SNURF: variants seen among roughly 807,000 people sequenced by gnomAD.
SNURF encodes the protein SNRPN upstream open reading frame, also known as SNURF protein.
A neutral mutation model predicts 11.6 loss-of-function variants in SNURF; 6 were observed. That is an observed-to-expected ratio of 0.52 (90% CI 0.28 to 1.02). The LOEUF (loss-of-function observed/expected upper bound fraction) is 1.02, where lower values mean the gene tolerates loss of function less well. Among genes scored for constraint, SNURF ranks in the 50% least tolerant of loss-of-function variants. The pLI, the probability that SNURF is intolerant of heterozygous loss-of-function variation, is 0.09. For synonymous variants in SNURF, 29 were observed against 31.6 expected, an observed-to-expected ratio of 0.92 and a Z score of 0.27; for missense variants, 84 against 88.4, an observed-to-expected ratio of 0.95 and a Z score of 0.20.
At chr15:24,974,163 G>A (rs1023961648) in intron 3 of SNURF, 2 of 433,854 alleles carry the variant, frequency 4.6e-6, no homozygotes, top group Non-Finnish European at 8.3e-6. Flanking sequence ...AGGGACTAGG[G>A]AAATGTGGCA....
chr15:24,956,500 G>C (rs975071757), intron 1 of SNURF, among the ~76,000 whole-genome samples: 27 of 152,172 alleles, frequency 1.8e-4, no homozygotes, highest in Non-Finnish European at 2.9e-5. Context: ...GTGGGCGGCT[G>C]CCCCCTCCCC....
At chr15:24,970,408 A>G (rs1213151985), downstream of SNURF, among the ~76,000 whole-genome samples, 2 of 152,086 alleles carry the variant, frequency 1.3e-5, no homozygotes, top group African/African-American at 4.8e-5. Flanking sequence ...GCGAAACCCC[A>G]TCTGTTCTAA....
chr15:24,967,548 T>C (rs2075818597), intron 2 of SNURF, among the ~76,000 whole-genome samples: 1 of 151,306 alleles, frequency 6.6e-6, no homozygotes, highest in African/African-American at 2.4e-5. Flanking sequence ...AGGCTGACAC[T>C]GGAGAATGGC....
Position 24,955,830 on chromosome 15 carries a change from G to A in SNURF, c.14+768G>A, listed in dbSNP as rs550556942. ...GGTGGACTTTGGCGGCGGTAGGCATGGCGGCGGTGGGCATGGCATGGAGGC... is the reference window on the plus strand; with the variant it reads ...GGTGGACTTTGGCGGCGGTAGGCATAGCGGCGGTGGGCATGGCATGGAGGC... On this transcript the variant is annotated intron_variant, in intron 1 of 2. Coordinates refer to ENST00000577949, the Ensembl canonical transcript of SNURF. Among the ~76,000 whole-genome samples the A allele has an allele frequency of 3.6e-4, 55 of 151,786 alleles. 1 individual carries two copies. In the South Asian group the frequency reaches 0.011, roughly 30 times the overall value.
chr15:24,976,071 G>C (rs2077026244), intron 4 of SNURF, among the ~76,000 whole-genome samples: 1 of 152,128 alleles, frequency 6.6e-6, no homozygotes, highest in Non-Finnish European at 1.5e-5. Context: ...TCTTGTTGTA[G>C]TGTAACATCA....
Position 24,955,012 on chromosome 15 carries a change from G to C in SNURF, c.-37G>C. The C allele has an allele frequency of 6.2e-7, 1 of 1,612,142 alleles. No homozygotes were observed. The highest frequency in any genetic ancestry group is 1.1e-5 in the South Asian group (1 of 90,806). ...GCAGAGTGGAGCGGCCGCCGGAGAT[G>C]CCTGACGCATCTGTCTGAGGAGCGG... On this transcript the variant is annotated 5_prime_UTR_variant, in exon 1 of 3. An upstream start codon of the reference 5' UTR is lost. Coordinates refer to ENST00000577949, the Ensembl canonical transcript of SNURF.
intron 6 of SNURF, chr15:24,977,657 TGA>T: frequency 1.0e-6 from 1 of 965,496 alleles, no homozygotes. Flanking sequence ...ATGGGAATAA[TGA>T]GAGAAGTACA....
chr15:24,958,308 G>C (rs981434351), intron 1 of SNURF, among the ~76,000 whole-genome samples: 2 of 151,546 alleles, frequency 1.3e-5, no homozygotes, highest in Non-Finnish European at 2.9e-5. Context: ...CATTTAAGCA[G>C]GTTGTGAGTA....
exon 6 of SNURF, chr15:24,976,955 G>A: frequency 6.2e-7 from 1 of 1,606,922 alleles, no homozygotes; most frequent in South Asian, 1.1e-5. Flanking sequence ...AGGAGTACCA[G>A]CTGGTGTGCC....
chr15:24,972,734 G>A (rs1267490009), downstream of SNURF, among the ~76,000 whole-genome samples: 1 of 151,962 alleles, frequency 6.6e-6, no homozygotes, highest in Non-Finnish European at 1.5e-5. Flanking sequence ...ATATTTAATA[G>A]CATTTTATAA....
intron 1 of SNURF, among the ~76,000 whole-genome samples, chr15:24,961,451 T>C (rs891305623): frequency 2.2e-4 from 33 of 152,326 alleles, no homozygotes; most frequent in African/African-American, 7.7e-4. Flanking sequence ...AGGTGGTTTC[T>C]GCAGTCCCTA....
chr15:24,970,142 T>C (rs1040383879), downstream of SNURF, among the ~76,000 whole-genome samples: 4 of 152,296 alleles, frequency 2.6e-5, no homozygotes, highest in Admixed American at 2.0e-4. Flanking sequence ...ATCAGATGAA[T>C]TTCTTGGGGA....
exon 3 of SNURF, chr15:24,968,098 G>A (rs918733635): frequency 3.6e-6 from 5 of 1,369,980 alleles, no homozygotes; most frequent in African/African-American, 1.4e-5. Flanking sequence ...AGCTAATGCA[G>A]CAATGATCAA....
At chr15:24,974,757 CTG>C in intron 3 of SNURF, 1 of 610,472 alleles carries the variant, frequency 1.6e-6, no homozygotes, top group East Asian at 2.7e-5. Context: ...CAGGGTTTCA[CTG>C]TGTTGGCCAG....
intron 2 of SNURF, 76 bp from the exon 3 acceptor site, chr15:24,967,856 C>A: frequency 8.9e-7 from 1 of 1,127,676 alleles, no homozygotes; most frequent in Non-Finnish European, 1.3e-6. Context: ...GTAAGGGTAC[C>A]TAGTTTTCTT....
intron 2 of SNURF, among the ~76,000 whole-genome samples, chr15:24,962,692 A>C (rs1419959384): frequency 6.6e-6 from 1 of 152,218 alleles, no homozygotes; most frequent in Non-Finnish European, 1.5e-5. Flanking sequence ...TATAGGATGT[A>C]TACACAGACA....
intron 3 of SNURF, chr15:24,975,314 G>A: frequency 1.3e-6 from 2 of 1,549,054 alleles, no homozygotes; most frequent in Non-Finnish European, 1.8e-6. Flanking sequence ...TAGAAGACTA[G>A]GGTGTTGGCA....
downstream of SNURF, among the ~76,000 whole-genome samples, chr15:24,971,005 G>C (rs983544543): frequency 6.6e-5 from 10 of 152,062 alleles, no homozygotes; most frequent in Admixed American, 5.9e-4. Context: ...ATATTCCATG[G>C]TGTGTCTCAT....
chr15:24,961,136 A>G (rs1324612195), intron 1 of SNURF, among the ~76,000 whole-genome samples: 1 of 152,232 alleles, frequency 6.6e-6, no homozygotes, highest in Non-Finnish European at 1.5e-5. Context: ...TATATTTAAT[A>G]GACCATTGTG....
Sources: allele counts gnomAD v4.1 joint callset (sites outside exome capture counted in the v4.1 genomes callset), GRCh38; gene constraint gnomAD v4.1.1; transcripts MANE v1.5; gene names NCBI Gene and HGNC (gene_info 2026-07-23, HGNC 2026-07-21).